Variants in PPARGC1A observed in about 807,000 individuals in gnomAD.
PPARGC1A encodes the protein peroxisome proliferator-activated receptor gamma coactivator 1-alpha.
In PPARGC1A, 25 loss-of-function variants were observed where a neutral mutation model predicts 88.7. That is an observed-to-expected ratio of 0.28 (90% CI 0.21 to 0.39). The LOEUF is 0.39. Ranked by LOEUF, PPARGC1A falls within the 10% of genes least tolerant of loss-of-function variation. PPARGC1A has a pLI of 1.00. For synonymous variants in PPARGC1A, 363 were observed against 355.6 expected (o/e 1.02, Z -0.24); for missense variants, 880 against 968.7 (o/e 0.91, Z 1.22).
At chr4:23,825,867 A>G (rs1009584123) in intron 5 of PPARGC1A, among the ~76,000 whole-genome samples, 1 of 152,174 alleles carries the variant, frequency 6.6e-6, no homozygotes, top group African/African-American at 2.4e-5. Flanking sequence ...ATTTTTGAGT[A>G]TGTCTAATAT....
the PPARGC1A span, among the ~76,000 whole-genome samples, chr4:24,252,006 A>G: frequency 1.1e-4 from 17 of 152,298 alleles, no homozygotes; most frequent in African/African-American, 3.9e-4. Flanking sequence ...ATTATTACTA[A>G]TAATACTTTA....
chr4:24,388,235 C>T, the PPARGC1A span, among the ~76,000 whole-genome samples: 11 of 151,312 alleles, frequency 7.3e-5, no homozygotes, highest in Non-Finnish European at 1.6e-4. Flanking sequence ...TGAAAAAAAG[C>T]TCATTAGAGA....
At chr4:24,090,183 A>G in the PPARGC1A span, among the ~76,000 whole-genome samples, 1 of 152,222 alleles carries the variant, frequency 6.6e-6, no homozygotes. Flanking sequence ...AAAATCCAAA[A>G]GTCACATTAA....
At chr4:23,972,421 C>T in the PPARGC1A span, among the ~76,000 whole-genome samples, 1 of 152,272 alleles carries the variant, frequency 6.6e-6, no homozygotes, top group East Asian at 1.9e-4. Context: ...ATTGGGATTG[C>T]AGATGAGGGC....
chr4:24,341,193 G>A, the PPARGC1A span, among the ~76,000 whole-genome samples: 39 of 150,528 alleles, frequency 2.6e-4, no homozygotes, highest in African/African-American at 9.0e-4. Flanking sequence ...TCATACTTTA[G>A]CAATTAAAAA....
chr4:24,193,770 CT>C, the PPARGC1A span, among the ~76,000 whole-genome samples: 1 of 152,234 alleles, frequency 6.6e-6, no homozygotes. Context: ...GGCAATGTGC[CT>C]TTTCTCTGTT....
At chr4:24,033,047 A>C in the PPARGC1A span, among the ~76,000 whole-genome samples, 1 of 152,208 alleles carries the variant, frequency 6.6e-6, no homozygotes, top group African/African-American at 2.4e-5. Flanking sequence ...TGTCCTAGCA[A>C]TGGTTCAGAA....
At chr4:24,103,202 T>C in the PPARGC1A span, among the ~76,000 whole-genome samples, 1 of 152,144 alleles carries the variant, frequency 6.6e-6, no homozygotes, top group Non-Finnish European at 1.5e-5. Context: ...TTCATGGCTT[T>C]GAAAGGGGGA....
chr4:23,941,210 C>A, the PPARGC1A span, among the ~76,000 whole-genome samples: 3 of 152,182 alleles, frequency 2.0e-5, no homozygotes, highest in South Asian at 6.2e-4. Flanking sequence ...CAGCACAACA[C>A]CCAACAAATT....
At chr4:24,005,679 G>C in the PPARGC1A span, among the ~76,000 whole-genome samples, 1 of 152,030 alleles carries the variant, frequency 6.6e-6, no homozygotes, top group Non-Finnish European at 1.5e-5. Context: ...GAGGTGAAAA[G>C]AACAAATGCC....
the PPARGC1A span, among the ~76,000 whole-genome samples, chr4:23,977,945 A>G: frequency 1.3e-5 from 2 of 152,212 alleles, no homozygotes. Flanking sequence ...TTCAGAAACT[A>G]TGGGTGTTAT....
the PPARGC1A span, among the ~76,000 whole-genome samples, chr4:24,206,426 T>A: frequency 2.0e-5 from 3 of 152,218 alleles, no homozygotes; most frequent in Admixed American, 2.0e-4. Flanking sequence ...GAAACATGAC[T>A]ATAAGTTACA....
Position 23,793,961 on chromosome 4 carries a change from C to G in PPARGC1A, c.*1861G>C, listed in dbSNP as rs1370011230. On this transcript the variant is annotated 3_prime_UTR_variant, in exon 13 of 13. Coordinates refer to ENST00000264867, the MANE Select transcript of PPARGC1A (RefSeq NM_013261.5). ...CTATCTGCAACTGATAAATATGTCT[C>G]TTTAGTAAACAAAGGAATGAAATAT... is the stretch of plus-strand genomic sequence containing the variant. 6.6e-6 allele frequency: 1 copy of G among 152,508 alleles called. No homozygotes were observed. Among genetic ancestry groups the G allele is most frequent in the Non-Finnish European group, 1.5e-5 (1 of 68,014 alleles). 9.4% of individuals were successfully genotyped at this position (152,508 alleles called of 1,614,324 possible).
chr4:23,903,275 A>T (rs747694769), upstream of PPARGC1A, among the ~76,000 whole-genome samples: 2 of 152,188 alleles, frequency 1.3e-5, no homozygotes, highest in Admixed American at 6.5e-5. Flanking sequence ...CCGGGTTCTT[A>T]TCCCTAAAAG....
the PPARGC1A span, among the ~76,000 whole-genome samples, chr4:24,313,813 A>G: frequency 2.6e-5 from 4 of 152,246 alleles, no homozygotes; most frequent in East Asian, 7.7e-4. Flanking sequence ...TAAAGAAACC[A>G]TAGGAGAAAT....
At chr4:24,350,317 G>C in the PPARGC1A span, among the ~76,000 whole-genome samples, 5 of 152,176 alleles carry the variant, frequency 3.3e-5, no homozygotes, top group African/African-American at 1.2e-4. Flanking sequence ...AAATGCTTTA[G>C]TTGGTACATT....
At chr4:24,248,660 A>G in the PPARGC1A span, among the ~76,000 whole-genome samples, 2 of 152,158 alleles carry the variant, frequency 1.3e-5, no homozygotes, top group African/African-American at 4.8e-5. Flanking sequence ...TTAACCTCTC[A>G]GTGTCTTAAT....
At chr4:23,890,250 A>C, upstream of PPARGC1A, 6 of 424,828 alleles carry the variant, frequency 1.4e-5, no homozygotes, top group East Asian at 4.6e-5. Context: ...AAAGAAAAGA[A>C]AGAAAGAAAG....
the PPARGC1A span, among the ~76,000 whole-genome samples, chr4:24,029,797 T>C: frequency 6.6e-6 from 1 of 150,748 alleles, no homozygotes; most frequent in Non-Finnish European, 1.5e-5. Flanking sequence ...AAAAATATAA[T>C]ACGATACATC....
Sources: allele counts gnomAD v4.1 joint callset (sites outside exome capture counted in the v4.1 genomes callset), GRCh38; gene constraint gnomAD v4.1.1; transcripts MANE v1.5; gene names NCBI Gene and HGNC (gene_info 2026-07-23, HGNC 2026-07-21).